DEAF1: variants seen among roughly 807,000 people sequenced by gnomAD.
DEAF1 encodes DEAF1 transcription factor.
Under a neutral mutation model 58.9 loss-of-function variants are expected in DEAF1, and 53 were observed. That is an observed-to-expected ratio of 0.90 (90% confidence interval 0.72 to 1.13). The LOEUF (loss-of-function observed/expected upper bound fraction) is 1.13. DEAF1 is among the 50% of genes most tolerant of loss of function. DEAF1 has a pLI of 0.00. For synonymous variants in DEAF1, 385 were observed against 340.4 expected (o/e 1.13, Z -1.44); for missense variants, 685 against 791.4 (o/e 0.87, Z 1.61).
At chr11:667,344 G>A (rs558106027) in intron 10 of DEAF1, among the ~76,000 whole-genome samples, 1 of 133,806 alleles carries the variant, frequency 7.5e-6, no homozygotes, top group South Asian at 2.6e-4. Flanking sequence ...AAGAAGGAAG[G>A]AAGGGAGGGA....
intron 1 of DEAF1, chr11:704,597 A>AG (rs1156973355): frequency 7.9e-6 from 10 of 1,264,956 alleles, no homozygotes; most frequent in Non-Finnish European, 6.2e-6. Flanking sequence ...CATGCAGACC[A>AG]GGGAAGGACC....
At chr11:695,960 C>A, upstream of DEAF1, 1 of 844,672 alleles carries the variant, frequency 1.2e-6, no homozygotes, top group Non-Finnish European at 1.6e-6. Context: ...GCCACCGTCT[C>A]TACGTGAGCG....
rs140643963 is a variant in DEAF1, at chr11:652,029, T to G, written c.1593+1933A>C. ...ATACTATCAACCAACCTAACTGATATCTAATACTCCACCCAACAGAGCAGA... is the reference window on the plus strand; with the variant it reads ...ATACTATCAACCAACCTAACTGATAGCTAATACTCCACCCAACAGAGCAGA... On this transcript the variant is annotated intron_variant, in intron 11 of 11. Transcript: ENST00000382409. Among the ~76,000 whole-genome samples the G allele has an allele frequency of 4.2e-3, 634 of 152,292 alleles. 5 individuals are homozygous for G. Among genetic ancestry groups the G allele is most frequent in the African/African-American group, 0.014 (602 of 41,564 alleles).
chr11:676,444 T>C (rs907257654), intron 9 of DEAF1, among the ~76,000 whole-genome samples: 1 of 150,312 alleles, frequency 6.7e-6, no homozygotes, highest in African/African-American at 2.5e-5. Context: ...AGCTCCATGT[T>C]GTACAACTCA....
At position 686,804 on chromosome 11, in the gene DEAF1, G is replaced by A. The variant is rs538503009; in HGVS notation, c.804+54C>T. 10 of 1,611,742 alleles carry A rather than the reference G, an allele frequency of 6.2e-6. No homozygotes were observed. In the African/African-American group the frequency reaches 9.3e-5, roughly 15 times the overall value. ...CCCTCCCTCTGGCTGGGCCGCCTCAGAGGGCCCCACGTCTGAACTGTGTGC... is the reference window on the plus strand; with the variant it reads ...CCCTCCCTCTGGCTGGGCCGCCTCAAAGGGCCCCACGTCTGAACTGTGTGC... On this transcript the variant is annotated intron_variant, in intron 5 of 11. Coordinates refer to ENST00000382409, the MANE Select transcript of DEAF1 (RefSeq NM_021008.4).
chr11:704,570 G>A, intron 1 of DEAF1: 7 of 1,288,758 alleles, frequency 5.4e-6, no homozygotes, highest in Non-Finnish European at 7.1e-6. Context: ...GCCATCTGGA[G>A]GACCCAGCCC....
chr11:668,195 C>A (rs1474914899), intron 10 of DEAF1, among the ~76,000 whole-genome samples: 1 of 152,064 alleles, frequency 6.6e-6, no homozygotes, highest in Non-Finnish European at 1.5e-5. Context: ...GAAAGAGGGA[C>A]ATTACAGACA....
Position 686,876 on chromosome 11 carries a change from G to A in DEAF1, c.786C>T (p.Pro262=), listed in dbSNP as rs778989769. The change falls in exon 5 of 12, where the codon CCC becomes CCT. Residue 262 remains proline, a synonymous_variant. Transcript: ENST00000382409. The part of the protein sequence containing the change: ...WKRSIRYAGR[P]LQCLIQDGIL... ...ACGATACCTGGATGAGGCACTGCAA[G>A]GGTCGGCCCGCGTAGCGAATGCTTC... The A allele has an allele frequency of 1.2e-6, 2 of 1,614,238 alleles. No homozygotes were observed. The highest frequency in any genetic ancestry group is 2.2e-5 in the East Asian group (1 of 44,886).
At chr11:662,392 C>T (rs961884332) in intron 10 of DEAF1, among the ~76,000 whole-genome samples, 2 of 152,242 alleles carry the variant, frequency 1.3e-5, no homozygotes, top group African/African-American at 4.8e-5. Flanking sequence ...AGCCTTCCTC[C>T]CATTCTGCAG....
At chr11:649,612 C>A (rs896928650) in intron 11 of DEAF1, among the ~76,000 whole-genome samples, 1 of 151,110 alleles carries the variant, frequency 6.6e-6, no homozygotes, top group South Asian at 2.1e-4. Flanking sequence ...CCCAGTTACT[C>A]GGGAGAATGA....
chr11:666,968 G>A (rs1429886350), intron 10 of DEAF1, among the ~76,000 whole-genome samples: 3 of 151,958 alleles, frequency 2.0e-5, no homozygotes, highest in Non-Finnish European at 4.4e-5. Flanking sequence ...GGAGGCCAAG[G>A]AAGGTGGGTT....
chr11:701,163 A>G (rs972192946), intron 1 of DEAF1: 5 of 195,002 alleles, frequency 2.6e-5, no homozygotes, highest in South Asian at 1.9e-4. Context: ...AGGGATCCCC[A>G]AGTCTGCAAC....
Position 683,928 on chromosome 11 carries a change from G to T in DEAF1, c.870+970C>A, listed in dbSNP as rs1312487167. 2.0e-5 allele frequency among the ~76,000 whole-genome samples: 3 copies of T among 152,140 alleles called. No homozygotes were observed. The East Asian group carries it at 5.8e-4, about 29-fold the overall frequency. ...AGGCTCAACTGCCAATGGGACCGAC[G>T]TCTCCTCCCGGCTCCTTTACTCCTG... is the stretch of plus-strand genomic sequence containing the variant. On this transcript the variant is annotated intron_variant, in intron 6 of 11. Coordinates refer to ENST00000382409, the MANE Select transcript of DEAF1 (RefSeq NM_021008.4).
chr11:653,614 C>G (rs1451668344), intron 11 of DEAF1, among the ~76,000 whole-genome samples: 1 of 149,122 alleles, frequency 6.7e-6, no homozygotes, highest in Non-Finnish European at 1.5e-5. Flanking sequence ...GACAGTCTCT[C>G]TCACGTGGCT....
At chr11:702,507 G>A (rs1237649734) in intron 1 of DEAF1, among the ~76,000 whole-genome samples, 2 of 152,314 alleles carry the variant, frequency 1.3e-5, no homozygotes, top group Non-Finnish European at 2.9e-5. Flanking sequence ...TGCTAAATAC[G>A]CAGTTTTGTT....
At chr11:654,077 T>G in intron 10 of DEAF1, 26 bp from the exon 11 acceptor site, 1 of 1,605,250 alleles carries the variant, frequency 6.2e-7, no homozygotes, top group South Asian at 1.1e-5. Flanking sequence ...AACAGGCCAG[T>G]CAGTGACGTG....
chr11:705,978 C>G (rs1274505344), intron 1 of DEAF1: 1 of 152,306 alleles, frequency 6.6e-6, no homozygotes, highest in African/African-American at 2.4e-5. Flanking sequence ...GAGGGGCACA[C>G]CAGGCGGGTG....
At chr11:702,387 G>C (rs948141133) in intron 1 of DEAF1, among the ~76,000 whole-genome samples, 4 of 152,226 alleles carry the variant, frequency 2.6e-5, no homozygotes, top group Admixed American at 6.5e-5. Flanking sequence ...GGGACAGGGT[G>C]TGGCCTGGCC....
chr11:692,840 C>T lies in DEAF1; in HGVS notation c.290-1242G>A, dbSNP rs187791693. 6.1e-3 allele frequency among the ~76,000 whole-genome samples: 895 copies of T among 145,660 alleles called. 4 individuals are homozygous for T. The highest frequency in any genetic ancestry group is 9.6e-3 in the Admixed American group (140 of 14,530). The stretch of plus-strand genomic sequence containing the variant: ...TGCACTCCAGCCTGGGCAACAAGAG[C>T]GAAACTCCGTCTCAAAAAAAAAAAA... On this transcript the variant is annotated intron_variant, in intron 1 of 11. Coordinates refer to ENST00000382409, the MANE Select transcript of DEAF1 (RefSeq NM_021008.4).
Sources: allele counts gnomAD v4.1 joint callset (sites outside exome capture counted in the v4.1 genomes callset), GRCh38; gene constraint gnomAD v4.1.1; transcripts MANE v1.5; gene names NCBI Gene and HGNC (gene_info 2026-07-23, HGNC 2026-07-21).